The following FAM161B variants were observed in gnomAD, a reference collection of about 807,000 sequenced individuals.
FAM161B encodes the protein FAM161 centrosomal protein B, also known as protein FAM161B.
Under a neutral mutation model 61.5 loss-of-function variants are expected in FAM161B, and 46 were observed. The ratio of observed to expected loss-of-function variants is 0.75; its 90% CI spans 0.59 to 0.96. The LOEUF is 0.96. FAM161B is among the 40% of genes least tolerant of loss of function. The pLI is 0.00. For synonymous variants in FAM161B, 284 were observed against 302.7 expected (o/e 0.94, Z 0.64); for missense variants, 774 against 800.7 (o/e 0.97, Z 0.40).
intron 8 of FAM161B, among the ~76,000 whole-genome samples, chr14:73,934,737 G>A (rs768058898): frequency 2.0e-5 from 3 of 152,060 alleles, no homozygotes; most frequent in Non-Finnish European, 1.5e-5. Context: ...GTGAGCCACC[G>A]TGCCCAGTCT....
intron 1 of FAM161B, among the ~76,000 whole-genome samples, chr14:73,947,824 T>C (rs142451115): frequency 1.3e-5 from 2 of 152,286 alleles, no homozygotes; most frequent in African/African-American, 4.8e-5. Flanking sequence ...GTGTGATTTT[T>C]ATAGGGTTGG....
intron 3 of FAM161B, among the ~76,000 whole-genome samples, 155 bp from the exon 4 acceptor site, chr14:73,942,870 C>G (rs770826321): frequency 1.1e-4 from 17 of 152,010 alleles, no homozygotes; most frequent in Non-Finnish European, 2.5e-4. Context: ...TGTGAGATGC[C>G]TGCAGATGGC....
the FAM161B span, chr14:73,923,586 AGGACCTG>A: frequency 6.4e-7 from 1 of 1,550,390 alleles, no homozygotes; most frequent in Admixed American, 2.0e-5. Context: ...GAGAATTTAG[AGGACCTG>A]AAAAAGTCTC....
At chr14:73,939,579 G>C (rs62005763) in intron 5 of FAM161B, among the ~76,000 whole-genome samples, 62,803 of 152,038 alleles carry the variant, frequency 0.41, 13,903 homozygotes, top group South Asian at 0.5. Flanking sequence ...CTCTGACTCC[G>C]AAGCCTCTGG....
intron 8 of FAM161B, among the ~76,000 whole-genome samples, 189 bp from the exon 9 acceptor site, chr14:73,934,583 C>T (rs1051610209): frequency 3.3e-5 from 5 of 151,860 alleles, no homozygotes; most frequent in Non-Finnish European, 5.9e-5. Flanking sequence ...ATTATAGGCA[C>T]GTGCCACTGC....
chr14:73,942,490 C>T lies in FAM161B; in HGVS notation c.1151G>A (p.Arg384Lys). 1 of 1,614,198 alleles carries T rather than the reference C, an allele frequency of 6.2e-7. No individual in the cohort carries two copies. The highest frequency in any genetic ancestry group is 8.5e-7 in the Non-Finnish European group (1 of 1,180,046). ...DYEGLYKAFQ[R>K]RAAKRRETQE... ...GGTTTCTCTTCTTTTGGCTGCTCTT[C>T]TCTGGAAGGCCTTGTAAAGGCCCTC... Residue 384 changes from arginine (R) to lysine (K), a missense_variant, in exon 4 of 9, where the codon AGA becomes AAA. Physicochemically the swap from Arg to Lys is conservative, Grantham distance 26. Coordinates refer to ENST00000286544, the MANE Select transcript of FAM161B (RefSeq NM_152445.3).
At chr14:73,943,950 C>T (rs2056040809) in intron 3 of FAM161B, among the ~76,000 whole-genome samples, 2 of 151,904 alleles carry the variant, frequency 1.3e-5, no homozygotes, top group Admixed American at 1.3e-4. Flanking sequence ...TTGACACTAC[C>T]TCACCAGGAC....
the FAM161B span, among the ~76,000 whole-genome samples, chr14:73,925,293 C>G: frequency 1.3e-5 from 2 of 152,090 alleles, no homozygotes; most frequent in African/African-American, 4.8e-5. Flanking sequence ...CTCCATTTTT[C>G]TTGTCTTCAT....
chr14:73,927,726 A>G (rs2055853755), downstream of FAM161B: 1 of 152,184 alleles, frequency 6.6e-6, no homozygotes. Context: ...TCTGCCTCAA[A>G]TAGCTTATAG....
downstream of FAM161B, among the ~76,000 whole-genome samples, chr14:73,930,949 C>T (rs2055902849): frequency 6.6e-6 from 1 of 152,184 alleles, no homozygotes; most frequent in Admixed American, 6.5e-5. Context: ...TATTTCAAAA[C>T]TCCTTTGAAT....
At chr14:73,924,054 A>G in the FAM161B span, among the ~76,000 whole-genome samples, 1 of 152,192 alleles carries the variant, frequency 6.6e-6, no homozygotes, top group East Asian at 1.9e-4. Flanking sequence ...TGCTATGGTC[A>G]TATGTCTGGG....
At chr14:73,924,022 T>C in the FAM161B span, among the ~76,000 whole-genome samples, 1 of 152,170 alleles carries the variant, frequency 6.6e-6, no homozygotes, top group Admixed American at 6.5e-5. Flanking sequence ...ACAAAATCAT[T>C]AAACATAATT....
chr14:73,928,780 C>T (rs550490038), downstream of FAM161B, among the ~76,000 whole-genome samples: 8 of 152,018 alleles, frequency 5.3e-5, no homozygotes, highest in Non-Finnish European at 1.2e-4. Context: ...CCTGTCTCTA[C>T]AAAAAGTTTT....
In FAM161B at chr14:73,944,771, G is replaced by A; in HGVS notation, c.489C>T (p.Ser163=). 6.3e-7 allele frequency: 1 copy of A among 1,592,208 alleles called. No homozygotes were observed. The highest frequency in any genetic ancestry group is 8.6e-7 in the Non-Finnish European group (1 of 1,166,662). Reference sequence around the variant, plus strand: ...GGACAGTAATGGATGATGCCCAGGAGCTGACGCTTCTGTGCTGGGAGGGAG... The same window carrying A: ...GGACAGTAATGGATGATGCCCAGGAACTGACGCTTCTGTGCTGGGAGGGAG... ...SRPPSQHRSV[S]SWASSITVPR... Residue 163 remains serine (S), a synonymous_variant, in exon 3 of 9, where the codon AGC becomes AGT. Coordinates refer to ENST00000286544, the MANE Select transcript of FAM161B (RefSeq NM_152445.3).
At chr14:73,931,128 A>G (rs1026181195), downstream of FAM161B, among the ~76,000 whole-genome samples, 8 of 152,018 alleles carry the variant, frequency 5.3e-5, no homozygotes, top group African/African-American at 1.5e-4. Context: ...TCCTTCTCCT[A>G]CTTGAGCCTT....
chr14:73,942,627 GT>G lies in FAM161B; in HGVS notation c.1013del (p.Asn338ThrfsTer31). ...MASSPIASSS[N>X]RANPQPRTAT... The stretch of plus-strand genomic sequence containing the variant: ...CTGTGCGGGGCTGTGGGTTAGCCCG[GT>G]TACTAGAGGAGGCGATAGGGGAAGA... On this transcript the variant is annotated frameshift_variant, in exon 4 of 9. Transcript: ENST00000286544. LOFTEE classifies it high-confidence loss of function. The G allele has an allele frequency of 6.2e-7, 1 of 1,614,216 alleles. No homozygotes were observed. Among genetic ancestry groups the G allele is most frequent in the South Asian group, 1.1e-5 (1 of 91,090 alleles).
At chr14:73,934,454 C>CTTG in intron 8 of FAM161B, 60 bp from the exon 9 acceptor site, 1 of 1,527,282 alleles carries the variant, frequency 6.5e-7, no homozygotes, top group Non-Finnish European at 8.8e-7. Flanking sequence ...CAGGGTCTCA[C>CTTG]TCTCACCCAG....
Position 73,938,099 on chromosome 14 carries a change from T to C in FAM161B, c.1414A>G (p.Lys472Glu). 1 of 1,614,122 alleles carries C rather than the reference T, an allele frequency of 6.2e-7. No individual in the cohort carries two copies. Among genetic ancestry groups the C allele is most frequent in the South Asian group, 1.1e-5 (1 of 91,062 alleles). Reference sequence around the variant, plus strand: ...ATACTCTCATCTGCTTTGTTCTTTTTTTCAAGTGCACTTCTAAAGGAAGGA... The same window carrying C: ...ATACTCTCATCTGCTTTGTTCTTTTCTTCAAGTGCACTTCTAAAGGAAGGA... ...RESAVRSALEKKNKADESIQW... is the reference protein window; with the variant it reads ...RESAVRSALEEKNKADESIQW... Residue 472 changes from lysine (K) to glutamate (E), a missense_variant, in exon 6 of 9, where the codon AAA becomes GAA. Coordinates refer to ENST00000286544, the MANE Select transcript of FAM161B (RefSeq NM_152445.3).
chr14:73,945,620 G>A (rs1456375371), intron 2 of FAM161B, among the ~76,000 whole-genome samples: 3 of 151,930 alleles, frequency 2.0e-5, no homozygotes, highest in Admixed American at 6.6e-5. Flanking sequence ...TAGTAGAGAC[G>A]GGGTTTCACC....
Sources: gnomAD v4.1 joint callset for allele counts (sites outside exome capture counted in the v4.1 genomes callset) on GRCh38, gnomAD v4.1.1 for gene constraint, MANE v1.5 for transcripts, NCBI Gene and HGNC (gene_info 2026-07-23, HGNC 2026-07-21) for gene names.